SEMA5A: variants seen among roughly 807,000 people sequenced by gnomAD.
SEMA5A encodes semaphorin-5A.
SEMA5A carries 55 observed loss-of-function variants against 135.5 expected under a neutral mutation model. The observed-to-expected ratio is 0.41, with a 90% CI of 0.33 to 0.51. SEMA5A has a LOEUF of 0.51. Ranked by LOEUF, SEMA5A falls within the 20% of genes least tolerant of loss-of-function variation. The pLI, the probability that SEMA5A is intolerant of heterozygous loss-of-function variation, is 0.37. For synonymous variants in SEMA5A, 580 were observed against 546.5 expected (o/e 1.06, Z -0.85); for missense variants, 1,290 against 1,419.9 (o/e 0.91, Z 1.47).
intron 11 of SEMA5A, among the ~76,000 whole-genome samples, chr5:9,162,276 A>T (rs993318264): frequency 6.6e-6 from 1 of 151,998 alleles, no homozygotes; most frequent in Non-Finnish European, 1.5e-5. Context: ...AATAATCCAC[A>T]TATTAAAGCA....
rs1736607514 is a variant in SEMA5A, at chr5:9,051,979, G to A, written c.2739C>T (p.Val913=). The part of the protein sequence containing the change: ...SDWSECEASG[V]QVRARQCILL... ...GGATGCACTGGCGGGCGCGGACTTG[G>A]ACGCCAGAGGCTTCACACTCAGACC... Residue 913 remains valine (V), a synonymous_variant, in exon 20 of 23, where the codon GTC becomes GTT. Transcript: ENST00000382496. The A allele has an allele frequency of 3.1e-6, 5 of 1,613,624 alleles. No homozygotes were observed. The highest frequency in any genetic ancestry group is 1.7e-5 in the Admixed American group (1 of 59,974).
At chr5:9,265,210 T>A (rs1274330997) in intron 5 of SEMA5A, among the ~76,000 whole-genome samples, 7 of 152,086 alleles carry the variant, frequency 4.6e-5, no homozygotes, top group East Asian at 3.9e-4. Context: ...GTGTGCTAGC[T>A]CAGCATCTGG....
chr5:9,323,248 C>T (rs1752709317), intron 4 of SEMA5A, among the ~76,000 whole-genome samples: 1 of 152,160 alleles, frequency 6.6e-6, no homozygotes, highest in Admixed American at 6.5e-5. Flanking sequence ...ATACACATTG[C>T]CTAACTAAGT....
chr5:9,526,091 G>A (rs1737107592), intron 1 of SEMA5A, among the ~76,000 whole-genome samples: 1 of 152,094 alleles, frequency 6.6e-6, no homozygotes, highest in Non-Finnish European at 1.5e-5. Context: ...TCATTAATAG[G>A]CCACACATTA....
At chr5:9,123,159 C>T (rs2150186912) in intron 13 of SEMA5A, among the ~76,000 whole-genome samples, 1 of 143,774 alleles carries the variant, frequency 7.0e-6, no homozygotes, top group Admixed American at 7.3e-5. Context: ...GAGGCTGAGG[C>T]AGGAGAATGG....
intron 17 of SEMA5A, among the ~76,000 whole-genome samples, chr5:9,065,414 A>G (rs973656190): frequency 6.6e-6 from 1 of 152,218 alleles, no homozygotes; most frequent in Non-Finnish European, 1.5e-5. Flanking sequence ...TTATCCCACA[A>G]TAAATTCTGT....
chr5:9,186,829 G>A (rs145571907), intron 11 of SEMA5A, among the ~76,000 whole-genome samples: 1 of 152,164 alleles, frequency 6.6e-6, no homozygotes, highest in South Asian at 2.1e-4. Flanking sequence ...AGAAATATCT[G>A]AATTATTCTA....
chr5:9,188,024 T>C lies in SEMA5A; in HGVS notation c.1273+2243A>G, dbSNP rs545605338. Among the ~76,000 whole-genome samples the C allele has an allele frequency of 1.1e-3, 171 of 152,322 alleles. 1 individual carries two copies. The highest frequency in any genetic ancestry group is 6.3e-4 in the Non-Finnish European group (43 of 68,028). On this transcript the variant is annotated intron_variant, in intron 11 of 22. Coordinates refer to ENST00000382496, the MANE Select transcript of SEMA5A (RefSeq NM_003966.3). The stretch of plus-strand genomic sequence containing the variant: ...CTTGTAGCTATGGACTGAATGTTTG[T>C]GTCCCCCCAGGATTCATATGTTGAA...
intron 11 of SEMA5A, among the ~76,000 whole-genome samples, chr5:9,158,609 G>A (rs1218420250): frequency 6.6e-6 from 1 of 152,004 alleles, no homozygotes; most frequent in African/African-American, 2.4e-5. Flanking sequence ...ACCAGAGGAT[G>A]CTCAGAATGG....
chr5:9,520,570 G>C (rs1217092153), intron 1 of SEMA5A, among the ~76,000 whole-genome samples: 1 of 152,136 alleles, frequency 6.6e-6, no homozygotes, highest in East Asian at 1.9e-4. Context: ...GATAGGGATT[G>C]GTCTGGGATT....
At position 9,051,970 on chromosome 5, in the gene SEMA5A, G is replaced by A. The variant is rs772415366; in HGVS notation, c.2748C>T (p.Arg916=). 1.7e-5 allele frequency: 27 copies of A among 1,613,726 alleles called. No homozygotes were observed. Among genetic ancestry groups the A allele is most frequent in the African/African-American group, 2.7e-5 (2 of 74,924 alleles). The change falls in exon 20 of 23, where the codon CGC becomes CGT. Residue 916 remains arginine (R), a synonymous_variant. Transcript: ENST00000382496. ...GGAACAGGAGGATGCACTGGCGGGC[G>A]CGGACTTGGACGCCAGAGGCTTCAC... The part of the protein sequence containing the change: ...SECEASGVQV[R]ARQCILLFPM...
At chr5:9,316,654 CTTTT>C (rs889730307) in intron 5 of SEMA5A, among the ~76,000 whole-genome samples, 1 of 151,976 alleles carries the variant, frequency 6.6e-6, no homozygotes, top group South Asian at 2.1e-4. Context: ...GTTGATCATT[CTTTT>C]TTTAATTAGC....
chr5:9,513,068 A>AT lies in SEMA5A; in HGVS notation c.-175+32515_-175+32516insA, dbSNP rs1554044104. On this transcript the variant is annotated intron_variant, in intron 1 of 22. Transcript: ENST00000382496. ...AAATGAGATGCAAATATATATATAT[A>AT]ATATATATATATATATATGCAAGCT... Among the ~76,000 whole-genome samples, 210 of 143,714 alleles carry AT rather than the reference A, an allele frequency of 1.5e-3. 1 individual carries two copies. Among genetic ancestry groups the AT allele is most frequent in the Non-Finnish European group, 2.4e-3 (160 of 66,112 alleles). 94.3% of individuals were successfully genotyped at this position (143,714 alleles called of 152,430 possible).
At chr5:9,291,401 G>A (rs1055594327) in intron 5 of SEMA5A, among the ~76,000 whole-genome samples, 15 of 152,256 alleles carry the variant, frequency 9.9e-5, no homozygotes, top group South Asian at 2.1e-4. Flanking sequence ...AAATATGACC[G>A]AAGAGCTCCT....
At chr5:9,210,927 C>T (rs187718906) in intron 8 of SEMA5A, among the ~76,000 whole-genome samples, 23 of 152,126 alleles carry the variant, frequency 1.5e-4, no homozygotes, top group African/African-American at 2.7e-4. Flanking sequence ...GACAGGCAGG[C>T]GATATGCATG....
intron 11 of SEMA5A, among the ~76,000 whole-genome samples, chr5:9,177,355 GTTC>G (rs1472526963): frequency 6.6e-5 from 10 of 152,146 alleles, no homozygotes; most frequent in Non-Finnish European, 8.8e-5. Flanking sequence ...CATTTCAGAT[GTTC>G]TTCTAATTGC....
intron 16 of SEMA5A, among the ~76,000 whole-genome samples, chr5:9,090,124 G>T (rs1418429437): frequency 6.6e-6 from 1 of 152,162 alleles, no homozygotes; most frequent in African/African-American, 2.4e-5. Flanking sequence ...TGAGAGCGTG[G>T]AAATTCAGAC....
At chr5:9,126,426 T>A (rs73045672) in intron 13 of SEMA5A, among the ~76,000 whole-genome samples, 2,734 of 152,146 alleles carry the variant, frequency 0.018, 37 homozygotes, top group African/African-American at 0.047. Flanking sequence ...GGAGGGAGAC[T>A]GTTTGAGAGG....
intron 1 of SEMA5A, among the ~76,000 whole-genome samples, chr5:9,495,209 G>A (rs892214911): frequency 5.3e-5 from 8 of 152,176 alleles, no homozygotes; most frequent in African/African-American, 1.9e-4. Flanking sequence ...GCGTCCCTGT[G>A]AGTAATTACC....
Sources: allele counts gnomAD v4.1 joint callset (sites outside exome capture counted in the v4.1 genomes callset), GRCh38; gene constraint gnomAD v4.1.1; transcripts MANE v1.5; gene names NCBI Gene and HGNC (gene_info 2026-07-23, HGNC 2026-07-21).